CALN1: variants seen among roughly 807,000 people sequenced by gnomAD.
CALN1 encodes the protein calneuron 1.
A neutral mutation model predicts 30.6 loss-of-function variants in CALN1; 17 were observed. The ratio of observed to expected loss-of-function variants is 0.56; its 90% CI spans 0.38 to 0.83. The LOEUF is 0.83. CALN1 is among the 40% of genes least tolerant of loss of function. CALN1 has a pLI of 0.00. For synonymous variants in CALN1, 156 were observed against 131.4 expected (o/e 1.19, Z -1.28); for missense variants, 291 against 354.9 (o/e 0.82, Z 1.45).
At chr7:72,078,601 G>T (rs922773098) in intron 4 of CALN1, among the ~76,000 whole-genome samples, 2 of 152,158 alleles carry the variant, frequency 1.3e-5, no homozygotes, top group South Asian at 2.1e-4. Flanking sequence ...GCCCAGGAGA[G>T]GAACCGAGAA....
chr7:72,283,048 C>A (rs1441239599), intron 2 of CALN1, among the ~76,000 whole-genome samples: 2 of 99,242 alleles, frequency 2.0e-5, no homozygotes, highest in Non-Finnish European at 4.0e-5. Flanking sequence ...GAGGGAGACT[C>A]CATCTCAAAA....
chr7:72,065,415 T>G (rs2129537365), intron 4 of CALN1, among the ~76,000 whole-genome samples: 1 of 152,070 alleles, frequency 6.6e-6, no homozygotes, highest in African/African-American at 2.4e-5. Context: ...GTTATAGTCT[T>G]GAGAGCCACC....
intron 3 of CALN1, among the ~76,000 whole-genome samples, chr7:72,250,279 G>A (rs1188734124): frequency 1.3e-5 from 2 of 152,212 alleles, no homozygotes; most frequent in African/African-American, 4.8e-5. Context: ...AAGTCAGACA[G>A]CCTGGGTCTG....
chr7:72,273,902 A>G (rs1797169201), intron 3 of CALN1, among the ~76,000 whole-genome samples: 1 of 152,234 alleles, frequency 6.6e-6, no homozygotes, highest in Non-Finnish European at 1.5e-5. Context: ...CATAATAGAA[A>G]AAAGCAATAT....
At chr7:72,375,190 T>TG (rs964721994) in intron 2 of CALN1, among the ~76,000 whole-genome samples, 53 of 152,324 alleles carry the variant, frequency 3.5e-4, no homozygotes, top group African/African-American at 1.2e-3. Context: ...GTGGCCCAGC[T>TG]GGCTCTTTTC....
intron 2 of CALN1, among the ~76,000 whole-genome samples, chr7:72,318,567 G>A (rs1258814897): frequency 6.6e-6 from 1 of 152,128 alleles, no homozygotes; most frequent in East Asian, 1.9e-4. Context: ...TTGAGATGGT[G>A]TCTTGCTCTA....
chr7:71,826,702 C>T (rs1788935667), intron 5 of CALN1, among the ~76,000 whole-genome samples: 1 of 152,132 alleles, frequency 6.6e-6, no homozygotes, highest in Admixed American at 6.6e-5. Flanking sequence ...CTGTTGTTCC[C>T]ACCTCTGATC....
intron 4 of CALN1, among the ~76,000 whole-genome samples, chr7:72,080,620 A>C (rs1165515515): frequency 6.6e-6 from 1 of 152,174 alleles, no homozygotes; most frequent in Non-Finnish European, 1.5e-5. Context: ...GGTATTTGAC[A>C]GAAAAGGAAA....
At chr7:72,226,736 A>G (rs1562765889) in intron 3 of CALN1, among the ~76,000 whole-genome samples, 1 of 152,182 alleles carries the variant, frequency 6.6e-6, no homozygotes, top group Non-Finnish European at 1.5e-5. Context: ...TTGGGTTCAC[A>G]TGGACAGGAA....
Position 71,897,981 on chromosome 7 carries a change from A to AAC in CALN1, c.502-87490_502-87489insGT, listed in dbSNP as rs1261300129. On this transcript the variant is annotated intron_variant, in intron 5 of 6. Coordinates refer to ENST00000395275, the MANE Select transcript of CALN1 (RefSeq NM_031468.4). ...GGAAAAAAACAAAAAACAAAAAAAA[A>AAC]AAAAAAAAAAAGAGAGAGAGAGGGA... 2.9e-3 allele frequency among the ~76,000 whole-genome samples: 349 copies of AAC among 120,842 alleles called. 2 individuals carry two copies. Among genetic ancestry groups the AAC allele is most frequent in the Non-Finnish European group, 4.8e-3 (290 of 60,084 alleles). 79.3% of individuals were successfully genotyped at this position (120,842 alleles called of 152,430 possible).
chr7:72,399,750 C>G (rs1806213943), intron 2 of CALN1, among the ~76,000 whole-genome samples: 1 of 152,156 alleles, frequency 6.6e-6, no homozygotes, highest in Non-Finnish European at 1.5e-5. Flanking sequence ...AGGGATATAG[C>G]TTGGGTATTT....
intron 3 of CALN1, among the ~76,000 whole-genome samples, chr7:72,150,367 C>T (rs1317529240): frequency 1.3e-5 from 2 of 152,118 alleles, no homozygotes; most frequent in Admixed American, 6.5e-5. Flanking sequence ...CAGGCAAGGT[C>T]CCTGTTCTCC....
intron 3 of CALN1, among the ~76,000 whole-genome samples, chr7:72,208,556 A>G (rs1022241134): frequency 2.0e-5 from 3 of 152,244 alleles, no homozygotes; most frequent in Admixed American, 1.3e-4. Flanking sequence ...AGAGAAAAAA[A>G]GAGTAAAAAA....
At chr7:72,451,542 A>G (rs1255220267), upstream of CALN1, among the ~76,000 whole-genome samples, 1 of 152,016 alleles carries the variant, frequency 6.6e-6, no homozygotes, top group African/African-American at 2.4e-5. Flanking sequence ...AGATGTCCAC[A>G]GCATCCATCA....
chr7:72,032,333 A>G (rs960276705), intron 4 of CALN1, among the ~76,000 whole-genome samples: 2 of 152,098 alleles, frequency 1.3e-5, no homozygotes, highest in Non-Finnish European at 2.9e-5. Context: ...GGCATGAGCC[A>G]CCGCGCCCAG....
In CALN1 at chr7:71,852,978, CAGAT is replaced by C. The variant is rs1176894073; in HGVS notation, c.502-42490_502-42487del. Among the ~76,000 whole-genome samples the C allele has an allele frequency of 3.9e-5, 6 of 152,276 alleles. No homozygotes were observed. The South Asian group carries it at 8.3e-4, about 21-fold the overall frequency. On this transcript the variant is annotated intron_variant, in intron 5 of 6. Transcript: ENST00000395275. ...TATATTCTGCTTACGACTCTTTTCT[CAGAT>C]AGATACGTTGAAAATATTTTTTTCC...
chr7:72,139,955 C>T (rs1175644223), intron 3 of CALN1, among the ~76,000 whole-genome samples: 2 of 152,120 alleles, frequency 1.3e-5, no homozygotes, highest in African/African-American at 2.4e-5. Flanking sequence ...TCTGTAATCT[C>T]GTTGGAATAT....
intron 4 of CALN1, among the ~76,000 whole-genome samples, chr7:72,060,699 C>T (rs1018866616): frequency 6.6e-6 from 1 of 152,116 alleles, no homozygotes; most frequent in Non-Finnish European, 1.5e-5. Context: ...GCTTGGTGCT[C>T]TCCCCACCGT....
At chr7:72,439,608 C>T (rs1333119047) in intron 1 of CALN1, among the ~76,000 whole-genome samples, 2 of 144,708 alleles carry the variant, frequency 1.4e-5, no homozygotes, top group Non-Finnish European at 3.0e-5. Flanking sequence ...GATGGAGTCT[C>T]GCTTTGTCGC....
Sources: allele counts gnomAD v4.1 joint callset (sites outside exome capture counted in the v4.1 genomes callset), GRCh38; gene constraint gnomAD v4.1.1; transcripts MANE v1.5; gene names NCBI Gene and HGNC (gene_info 2026-07-23, HGNC 2026-07-21).